NFATC3: variants seen among roughly 807,000 people sequenced by gnomAD.
The protein encoded by NFATC3 is nuclear factor of activated T-cells, cytoplasmic 3.
NFATC3 carries 46 observed loss-of-function variants against 98.6 expected under a neutral mutation model. The ratio of observed to expected loss-of-function variants is 0.47; its 90% CI spans 0.37 to 0.60. NFATC3 has a LOEUF of 0.60. Among genes scored for constraint, NFATC3 ranks in the 20% least tolerant of loss-of-function variants. The pLI is 0.00. For synonymous variants in NFATC3, 512 were observed against 472.2 expected (o/e 1.08, Z -1.09); for missense variants, 1,256 against 1,295.5 (o/e 0.97, Z 0.47).
At chr16:68,213,874 GT>G (rs1344122148) in intron 9 of NFATC3, among the ~76,000 whole-genome samples, 1 of 152,156 alleles carries the variant, frequency 6.6e-6, no homozygotes, top group Non-Finnish European at 1.5e-5. Context: ...TGTACATATA[GT>G]TTTCTGGGCT....
chr16:68,208,296 C>G (rs1291025810), intron 9 of NFATC3, among the ~76,000 whole-genome samples: 2 of 152,140 alleles, frequency 1.3e-5, no homozygotes, highest in Non-Finnish European at 2.9e-5. Flanking sequence ...CTTAGCCTCC[C>G]AAAGTGCAGG....
In NFATC3 at chr16:68,123,039, G is replaced by C; in HGVS notation, c.1156G>C (p.Asp386His). 6.2e-7 allele frequency: 1 copy of C among 1,613,120 alleles called. No homozygotes were observed. The highest frequency in any genetic ancestry group is 8.5e-7 in the Non-Finnish European group (1 of 1,180,020). ...GLGSQYPLKKDSCGDQFLSVP... is the reference protein window; with the variant it reads ...GLGSQYPLKKHSCGDQFLSVP... Reference sequence around the variant, plus strand: ...TGGATCTCAGTATCCTTTAAAGAAAGATTCATGTGGTGATCAGTTTCTTTC... The same window carrying C: ...TGGATCTCAGTATCCTTTAAAGAAACATTCATGTGGTGATCAGTTTCTTTC... Residue 386 changes from aspartate to histidine, a missense_variant, in exon 2 of 10, where the codon GAT (aspartate) becomes CAT (histidine). Transcript: ENST00000346183.
intron 1 of NFATC3, among the ~76,000 whole-genome samples, chr16:68,117,136 T>A (rs1247223114): frequency 6.6e-6 from 1 of 152,178 alleles, no homozygotes; most frequent in East Asian, 1.9e-4. Context: ...TTTCTGTGAG[T>A]TAAACACATG....
intron 3 of NFATC3, among the ~76,000 whole-genome samples, chr16:68,151,883 A>G (rs1333442006): frequency 6.6e-6 from 1 of 151,998 alleles, no homozygotes; most frequent in East Asian, 1.9e-4. Flanking sequence ...AGCCTGGCTG[A>G]CATGGTGAAA....
Position 68,122,761 on chromosome 16 carries a change from C to G in NFATC3, c.878C>G (p.Pro293Arg). The change falls in exon 2 of 10, where the codon CCT (proline) becomes CGT (arginine). Residue 293 changes from proline (P) to arginine (R), a missense_variant. This residue lies in a region of NFATC3 where 464 missense variants were observed against 465.7 expected (regional missense o/e 1.00). Coordinates refer to ENST00000346183, the MANE Select transcript of NFATC3 (RefSeq NM_173165.3). Reference sequence around the variant, plus strand: ...GGGTCCCTTTCACCCCATCACTCACCTGTTCCTTCACCTGGTCACTCCCCC... The same window carrying G: ...GGGTCCCTTTCACCCCATCACTCACGTGTTCCTTCACCTGGTCACTCCCCC... ...YAGSLSPHHS[P>R]VPSPGHSPRG... 6.2e-7 allele frequency: 1 copy of G among 1,614,256 alleles called. No homozygotes were observed. Among genetic ancestry groups the G allele is most frequent in the Admixed American group, 1.7e-5 (1 of 60,036 alleles).
intron 9 of NFATC3, among the ~76,000 whole-genome samples, chr16:68,211,247 G>A (rs1406097109): frequency 6.6e-6 from 1 of 152,088 alleles, no homozygotes; most frequent in Non-Finnish European, 1.5e-5. Context: ...GAGTGCAGTG[G>A]CGCGATCTCA....
At chr16:68,119,038 T>C (rs2151495818) in intron 1 of NFATC3, among the ~76,000 whole-genome samples, 1 of 152,212 alleles carries the variant, frequency 6.6e-6, no homozygotes, top group African/African-American at 2.4e-5. Context: ...CGGCTAATTT[T>C]TTGTATTTTC....
chr16:68,209,882 C>T (rs868783608), intron 9 of NFATC3: 22 of 245,226 alleles, frequency 9.0e-5, no homozygotes, highest in South Asian at 8.3e-4. Context: ...CAGTCACACT[C>T]ACTCTGGGCA....
intron 1 of NFATC3, among the ~76,000 whole-genome samples, chr16:68,087,725 A>G (rs188983367): frequency 1.3e-5 from 2 of 152,034 alleles, no homozygotes; most frequent in Admixed American, 1.3e-4. Context: ...CCTCCTCCCA[A>G]CCCCTAGTAG....
intron 1 of NFATC3, among the ~76,000 whole-genome samples, chr16:68,113,720 T>A (rs546395066): frequency 1.6e-4 from 25 of 152,248 alleles, no homozygotes; most frequent in Non-Finnish European, 2.9e-4. Flanking sequence ...CCCCTACCCG[T>A]AGAGGCTCCT....
At chr16:68,118,993 G>A (rs1238048347) in intron 1 of NFATC3, among the ~76,000 whole-genome samples, 2 of 152,008 alleles carry the variant, frequency 1.3e-5, no homozygotes, top group Non-Finnish European at 2.9e-5. Context: ...TCAGCCTCCC[G>A]AGCAGCTGGG....
chr16:68,144,657 T>A (rs2037940484), intron 3 of NFATC3, among the ~76,000 whole-genome samples: 4 of 151,934 alleles, frequency 2.6e-5, no homozygotes, highest in South Asian at 2.1e-4. Context: ...AACTTCATTT[T>A]TTTATTTTTT....
chr16:68,096,707 A>G (rs1253615655), intron 1 of NFATC3, among the ~76,000 whole-genome samples: 1 of 152,212 alleles, frequency 6.6e-6, no homozygotes, highest in Non-Finnish European at 1.5e-5. Flanking sequence ...TGAGTTCACC[A>G]GGTGGCTAAG....
intron 9 of NFATC3, chr16:68,192,311 ATGTATGTG>A (rs2040475059): frequency 2.2e-5 from 3 of 138,608 alleles, no homozygotes; most frequent in African/African-American, 8.1e-5. Flanking sequence ...ATATATATAT[ATGTATGTG>A]TATATATATA....
At chr16:68,182,212 G>A (rs1283044997) in intron 7 of NFATC3, among the ~76,000 whole-genome samples, 1 of 152,170 alleles carries the variant, frequency 6.6e-6, no homozygotes. Context: ...TTAGGAGCAA[G>A]ACAAGTCCTT....
intron 1 of NFATC3, among the ~76,000 whole-genome samples, chr16:68,113,595 G>T (rs1315866888): frequency 6.6e-6 from 1 of 152,238 alleles, no homozygotes; most frequent in Non-Finnish European, 1.5e-5. Context: ...GCTTAAAGAA[G>T]CAGTCTGACT....
chr16:68,182,196 TA>T (rs2151627012), intron 7 of NFATC3, among the ~76,000 whole-genome samples: 1 of 152,206 alleles, frequency 6.6e-6, no homozygotes, highest in African/African-American at 2.4e-5. Context: ...ATGTAGTGGG[TA>T]AAAGTTAGGA....
intron 9 of NFATC3, among the ~76,000 whole-genome samples, chr16:68,211,500 G>T (rs943944796): frequency 6.8e-6 from 1 of 146,148 alleles, no homozygotes; most frequent in Admixed American, 6.9e-5. Context: ...CTCTTCTTCT[G>T]TAAATGTTTT....
At chr16:68,183,516 T>G in intron 8 of NFATC3, 150 bp downstream of exon 8, 1 of 747,826 alleles carries the variant, frequency 1.3e-6, no homozygotes, top group South Asian at 2.0e-5. Context: ...TTTGTTGACT[T>G]TAAATATTAG....
Sources: allele counts gnomAD v4.1 joint callset (sites outside exome capture counted in the v4.1 genomes callset), GRCh38; gene constraint gnomAD v4.1.1; regional missense constraint gnomAD v4.1.1; transcripts MANE v1.5; gene names NCBI Gene and HGNC (gene_info 2026-07-23, HGNC 2026-07-21).